The following ANKIB1 variants were observed in gnomAD, a reference collection of about 807,000 sequenced individuals.
ANKIB1 encodes ankyrin repeat and IBR domain containing 1, also known as ankyrin repeat and IBR domain-containing protein 1.
A neutral mutation model predicts 122.1 loss-of-function variants in ANKIB1; 43 were observed. The ratio of observed to expected loss-of-function variants is 0.35; its 90% confidence interval spans 0.28 to 0.45. The LOEUF (loss-of-function observed/expected upper bound fraction) is 0.45. ANKIB1 is among the 20% of genes least tolerant of loss of function. The pLI is 1.00. For synonymous variants in ANKIB1, 390 were observed against 442.0 expected (o/e 0.88, Z 1.48); for missense variants, 992 against 1,329.5 (o/e 0.75, Z 3.95).
chr7:92,391,494 G>A, intron 16 of ANKIB1, 150 bp downstream of exon 16: 1 of 704,560 alleles, frequency 1.4e-6, no homozygotes. Flanking sequence ...TTTTTTTGGT[G>A]ATTTTTTTTT....
At chr7:92,337,166 A>G (rs916272747) in intron 5 of ANKIB1, among the ~76,000 whole-genome samples, 16 of 152,196 alleles carry the variant, frequency 1.1e-4, no homozygotes, top group Non-Finnish European at 2.2e-4. Context: ...TTCGTCCTTT[A>G]CTGTGTACTA....
intron 5 of ANKIB1, among the ~76,000 whole-genome samples, chr7:92,332,480 T>C (rs1803192017): frequency 6.6e-6 from 1 of 152,322 alleles, no homozygotes; most frequent in South Asian, 2.1e-4. Context: ...TATTTAGCAG[T>C]ATTTATTAAA....
chr7:92,251,566 C>T (rs1249354112), intron 1 of ANKIB1, among the ~76,000 whole-genome samples: 2 of 152,140 alleles, frequency 1.3e-5, no homozygotes, highest in Admixed American at 6.5e-5. Context: ...CTTACATCCC[C>T]TTCACCCAGA....
intron 1 of ANKIB1, among the ~76,000 whole-genome samples, chr7:92,250,663 G>C (rs929620269): frequency 3.9e-5 from 6 of 152,218 alleles, no homozygotes; most frequent in Middle Eastern, 3.4e-3. Context: ...TTTGATTTTG[G>C]CAACTAAGGG....
At chr7:92,295,295 A>C in intron 2 of ANKIB1, 129 bp downstream of exon 2, 1 of 543,404 alleles carries the variant, frequency 1.8e-6, no homozygotes. Context: ...ATATACAAAC[A>C]TGTACATGTA....
chr7:92,369,358 A>G (rs902999084), intron 10 of ANKIB1, among the ~76,000 whole-genome samples: 2 of 152,210 alleles, frequency 1.3e-5, no homozygotes, highest in African/African-American at 2.4e-5. Context: ...TTACAGTCCA[A>G]CAGTAGCTGC....
chr7:92,336,591 TTGGAGAGTCTATATC>T (rs924656677), intron 5 of ANKIB1, among the ~76,000 whole-genome samples: 1 of 152,142 alleles, frequency 6.6e-6, no homozygotes, highest in Non-Finnish European at 1.5e-5. Flanking sequence ...AGTTTGAGAT[TTGGAGAGTCTATATC>T]CAGAATCTGT....
chr7:92,381,941 A>AC (rs1306863722), intron 11 of ANKIB1, among the ~76,000 whole-genome samples: 1 of 152,206 alleles, frequency 6.6e-6, no homozygotes, highest in African/African-American at 2.4e-5. Flanking sequence ...AAAGACACAG[A>AC]CTGGCAAATT....
chr7:92,248,496 T>C (rs970475116), intron 1 of ANKIB1, among the ~76,000 whole-genome samples: 1 of 152,186 alleles, frequency 6.6e-6, no homozygotes, highest in African/African-American at 2.4e-5. Context: ...AAGTGCGAGC[T>C]CATTTTCATA....
At chr7:92,268,408 A>T (rs779351411) in intron 1 of ANKIB1, among the ~76,000 whole-genome samples, 2 of 152,210 alleles carry the variant, frequency 1.3e-5, no homozygotes, top group Non-Finnish European at 2.9e-5. Context: ...TTTTTTGCAA[A>T]ATCAGTGAAT....
At chr7:92,385,586 A>T (rs1383679619) in intron 11 of ANKIB1, among the ~76,000 whole-genome samples, 25 of 152,238 alleles carry the variant, frequency 1.6e-4, no homozygotes, top group Non-Finnish European at 4.4e-5. Context: ...TTGTAGCCAC[A>T]TGGATGAAGC....
At chr7:92,275,106 A>G (rs966647892) in intron 1 of ANKIB1, among the ~76,000 whole-genome samples, 6 of 152,140 alleles carry the variant, frequency 3.9e-5, no homozygotes, top group African/African-American at 1.4e-4. Context: ...TTGCTAAACT[A>G]GTTGCCTGTT....
At chr7:92,274,423 G>A (rs1291067592) in intron 1 of ANKIB1, among the ~76,000 whole-genome samples, 1 of 152,158 alleles carries the variant, frequency 6.6e-6, no homozygotes, top group African/African-American at 2.4e-5. Flanking sequence ...AGGTATATGA[G>A]TGTGCCTTTA....
intron 3 of ANKIB1, among the ~76,000 whole-genome samples, chr7:92,317,444 C>T (rs1585104280): frequency 6.6e-6 from 1 of 152,198 alleles, no homozygotes; most frequent in Admixed American, 6.5e-5. Context: ...ACCTTGCCCT[C>T]GGAATCTAGA....
intron 1 of ANKIB1, 43 bp downstream of exon 1, chr7:92,246,562 C>G (rs1255663941): frequency 2.0e-6 from 1 of 512,794 alleles, no homozygotes; most frequent in African/African-American, 1.9e-5. Context: ...GAGGCTGCCT[C>G]TACCCATTTG....
chr7:92,398,826 G>A lies in ANKIB1; in HGVS notation c.3147G>A (p.Gly1049=), dbSNP rs768394779. The A allele has an allele frequency of 1.2e-6, 2 of 1,605,206 alleles. No individual in the cohort carries two copies. Among genetic ancestry groups the A allele is most frequent in the East Asian group, 2.2e-5 (1 of 44,456 alleles). The change falls in exon 20 of 20, where the codon GGG becomes GGA. Residue 1049 remains glycine, a synonymous_variant. Coordinates refer to ENST00000265742, the MANE Select transcript of ANKIB1 (RefSeq NM_019004.2). ...CTTTGGAAGAAAATATTCTGGCGGG[G>A]GAAGCAGCATCTCAAGCTGGTGACA... ...ENPLEENILA[G]EAASQAGDSG...
At chr7:92,334,588 T>C (rs1803246689) in intron 5 of ANKIB1, among the ~76,000 whole-genome samples, 1 of 151,978 alleles carries the variant, frequency 6.6e-6, no homozygotes. Flanking sequence ...AAATGAACTT[T>C]TCTGTAGTTG....
At chr7:92,377,625 G>C (rs951857369) in intron 11 of ANKIB1, among the ~76,000 whole-genome samples, 2 of 152,012 alleles carry the variant, frequency 1.3e-5, no homozygotes, top group South Asian at 4.2e-4. Flanking sequence ...AATGAAACAA[G>C]GTATGCCTGT....
At chr7:92,273,576 T>C (rs1418674687) in intron 1 of ANKIB1, among the ~76,000 whole-genome samples, 2 of 152,054 alleles carry the variant, frequency 1.3e-5, no homozygotes, top group Non-Finnish European at 2.9e-5. Flanking sequence ...TTGATGAAGA[T>C]GAAGTAAATG....
Sources: allele counts gnomAD v4.1 joint callset (sites outside exome capture counted in the v4.1 genomes callset), GRCh38; gene constraint gnomAD v4.1.1; transcripts MANE v1.5; gene names NCBI Gene and HGNC (gene_info 2026-07-23, HGNC 2026-07-21).